Variants in INTU observed in about 807,000 individuals in gnomAD.
INTU encodes the protein protein inturned.
In INTU, 68 loss-of-function variants were observed where a neutral mutation model predicts 100.5. The observed-to-expected ratio is 0.68, with a 90% CI of 0.56 to 0.83. INTU has a LOEUF of 0.83. INTU is among the 40% of genes least tolerant of loss of function. The probability of loss-of-function intolerance (pLI) is 0.00; values close to 1 mark genes in which losing one functional copy is unlikely to be tolerated. For synonymous variants in INTU, 357 were observed against 395.7 expected, an observed-to-expected ratio of 0.90 and a Z score of 1.16; for missense variants, 1,071 against 1,114.7, an observed-to-expected ratio of 0.96 and a Z score of 0.56.
chr4:127,687,881 T>C lies in INTU; in HGVS notation c.1449+14T>C, dbSNP rs1376396736. On this transcript the variant is annotated intron_variant, in intron 8 of 15. Coordinates refer to ENST00000335251, the MANE Select transcript of INTU (RefSeq NM_015693.4). ...CTGGAAATCAAGGTAATCTTAGGTA[T>C]TATAAAGCAGAAGCAGAACCAGGTG... The C allele has an allele frequency of 1.3e-6, 2 of 1,539,066 alleles. No individual in the cohort carries two copies. The highest frequency in any genetic ancestry group is 1.8e-6 in the Non-Finnish European group (2 of 1,130,714).
chr4:127,666,270 T>A (rs1179808256), intron 4 of INTU, among the ~76,000 whole-genome samples: 1 of 152,172 alleles, frequency 6.6e-6, no homozygotes, highest in Non-Finnish European at 1.5e-5. Context: ...CTATTCTAGA[T>A]CTACTAGATT....
rs1268165296 is a variant in INTU at position 127,721,982 on chromosome 4, C to G, written c.*5546C>G. 1 of 152,246 alleles carries G rather than the reference C, an allele frequency of 6.6e-6. No individual in the cohort carries two copies. Among genetic ancestry groups the G allele is most frequent in the Non-Finnish European group, 1.5e-5 (1 of 68,052 alleles). 9.4% of individuals were successfully genotyped at this position (152,246 alleles called of 1,614,324 possible). A position where few individuals can be genotyped will look rare whatever the true frequency, so the allele number is the denominator to read the frequency against. On this transcript the variant is annotated 3_prime_UTR_variant, in exon 16 of 16. Coordinates refer to ENST00000335251, the MANE Select transcript of INTU (RefSeq NM_015693.4). Reference sequence around the variant, plus strand: ...GATTGACATTCATCCATCTCAGCCTCAGCCCAGTTCTGTGCCCTTGCTAGA... The same window carrying G: ...GATTGACATTCATCCATCTCAGCCTGAGCCCAGTTCTGTGCCCTTGCTAGA...
chr4:127,679,943 T>A lies in INTU; in HGVS notation c.1182-4466T>A, dbSNP rs958179765. ...AGATATCACCACCGATCCCACAGAATTACAAACTACCGTCAGAGAATACTA... is the reference window on the plus strand; with the variant it reads ...AGATATCACCACCGATCCCACAGAAATACAAACTACCGTCAGAGAATACTA... On this transcript the variant is annotated intron_variant, in intron 6 of 15. Coordinates refer to ENST00000335251, the MANE Select transcript of INTU (RefSeq NM_015693.4). Among the ~76,000 whole-genome samples, 48 of 152,128 alleles carry A rather than the reference T, an allele frequency of 3.2e-4. 1 individual carries two copies. The East Asian group carries it at 3.3e-3, about 10-fold the overall frequency.
At chr4:127,686,821 A>G (rs545060642) in intron 7 of INTU, 1 of 152,326 alleles carries the variant, frequency 6.6e-6, no homozygotes, top group Admixed American at 6.5e-5. Flanking sequence ...ACCTCCAGCA[A>G]TGAGAATAGT....
chr4:127,648,166 T>C (rs1204461563), intron 2 of INTU, among the ~76,000 whole-genome samples: 1 of 152,192 alleles, frequency 6.6e-6, no homozygotes, highest in Non-Finnish European at 1.5e-5. Context: ...CCTTTTAGCC[T>C]TTGAAATGGG....
At chr4:127,648,988 A>C (rs773382297) in intron 2 of INTU, among the ~76,000 whole-genome samples, 9 of 152,050 alleles carry the variant, frequency 5.9e-5, no homozygotes, top group Non-Finnish European at 8.8e-5. Flanking sequence ...GAGCATCTAA[A>C]CCTAGTTCAA....
At chr4:127,684,288 CAG>C in intron 6 of INTU, 119 bp from the exon 7 acceptor site, 1 of 612,876 alleles carries the variant, frequency 1.6e-6, no homozygotes, top group South Asian at 2.0e-5. Context: ...CAGCTTTACT[CAG>C]AGTTGACACA....
chr4:127,664,012 G>A (rs62334033), intron 4 of INTU, among the ~76,000 whole-genome samples: 1 of 151,906 alleles, frequency 6.6e-6, no homozygotes, highest in Non-Finnish European at 1.5e-5. Context: ...CATGATATGG[G>A]ACATTTTTAT....
chr4:127,699,570 T>C (rs1323389817), intron 8 of INTU, among the ~76,000 whole-genome samples: 1 of 152,148 alleles, frequency 6.6e-6, no homozygotes, highest in Non-Finnish European at 1.5e-5. Context: ...ATACAAGAAA[T>C]GGAGAATCGA....
intron 6 of INTU, among the ~76,000 whole-genome samples, chr4:127,683,473 G>A (rs905065813): frequency 2.6e-5 from 4 of 152,154 alleles, no homozygotes; most frequent in East Asian, 1.9e-4. Flanking sequence ...ACACGTCTTC[G>A]TATCACCAAC....
At position 127,711,595 on chromosome 4, in the gene INTU, G is replaced by T. The variant is rs554371171; in HGVS notation, c.2559+493G>T. Among the ~76,000 whole-genome samples, 49 of 152,280 alleles carry T rather than the reference G, an allele frequency of 3.2e-4. No homozygotes were observed. The South Asian group carries it at 9.5e-3, about 30-fold the overall frequency. ...CAGGCTGCACAGCAGGAGGTGAGTG[G>T]CGGGCCAGGGAGCCTTACTGCCTGA... On this transcript the variant is annotated intron_variant, in intron 14 of 15. Coordinates refer to ENST00000335251, the MANE Select transcript of INTU (RefSeq NM_015693.4).
intron 8 of INTU, among the ~76,000 whole-genome samples, chr4:127,691,147 A>G (rs1356082928): frequency 1.3e-5 from 2 of 152,112 alleles, no homozygotes; most frequent in African/African-American, 2.4e-5. Context: ...ACTTAGTAAT[A>G]TACATTTTAA....
rs1731395287 is a variant in INTU at position 127,724,878 on chromosome 4, T to G, written c.*8442T>G. ...CACTGTGTCACAGTTTGAGAGATTT[T>G]CACTTAAGCATTTAAGTTGCAAACC... On this transcript the variant is annotated 3_prime_UTR_variant, in exon 16 of 16. Transcript: ENST00000335251. 1 of 152,136 alleles carries G rather than the reference T, an allele frequency of 6.6e-6. No homozygotes were observed. 9.4% of individuals were successfully genotyped at this position (152,136 alleles called of 1,614,324 possible).
chr4:127,651,574 C>G (rs1448026144), intron 2 of INTU, among the ~76,000 whole-genome samples: 1 of 152,130 alleles, frequency 6.6e-6, no homozygotes, highest in East Asian at 1.9e-4. Context: ...TTCCATTGAT[C>G]TATATCTCTG....
At chr4:127,707,102 G>T in intron 12 of INTU, 133 bp downstream of exon 12, 1 of 1,057,636 alleles carries the variant, frequency 9.5e-7, no homozygotes, top group Non-Finnish European at 1.4e-6. Context: ...GTCACTGCTG[G>T]CAAACCAATG....
At chr4:127,641,012 CCTCT>C (rs35087007) in intron 1 of INTU, among the ~76,000 whole-genome samples, 1 of 150,074 alleles carries the variant, frequency 6.7e-6, no homozygotes, top group South Asian at 2.1e-4. Flanking sequence ...AACATGAATC[CCTCT>C]CTCTCTCTCT....
intron 8 of INTU, among the ~76,000 whole-genome samples, chr4:127,698,201 A>T (rs1299019713): frequency 6.6e-6 from 1 of 151,976 alleles, no homozygotes; most frequent in Non-Finnish European, 1.5e-5. Context: ...GGGAGTACAC[A>T]CCTGTAATCC....
chr4:127,670,615 A>T (rs908770699), intron 5 of INTU, among the ~76,000 whole-genome samples: 2 of 151,894 alleles, frequency 1.3e-5, no homozygotes, highest in Admixed American at 6.6e-5. Flanking sequence ...TAATCCTAAA[A>T]TTGGTATGGA....
In INTU at chr4:127,656,730, A is replaced by G. The variant is rs1313414404; in HGVS notation, c.768+9A>G. On this transcript the variant is annotated intron_variant, in intron 3 of 15. Transcript: ENST00000335251. ...TTCCTGGACCTATGCAGGTATGGAC[A>G]TTCTTTTTCTATATTTTATGATGTT... 6.5e-7 allele frequency: 1 copy of G among 1,528,458 alleles called. No homozygotes were observed. The highest frequency in any genetic ancestry group is 9.0e-7 in the Non-Finnish European group (1 of 1,112,042). The allele number at this position is 1,528,458 out of a possible 1,614,324, so 94.7% of individuals were successfully genotyped here.
Sources: allele counts gnomAD v4.1 joint callset (sites outside exome capture counted in the v4.1 genomes callset), GRCh38; gene constraint gnomAD v4.1.1; transcripts MANE v1.5; gene names NCBI Gene and HGNC (gene_info 2026-07-23, HGNC 2026-07-21).